The following UBE2E2 variants were observed in gnomAD, a reference collection of about 807,000 sequenced individuals.
UBE2E2 encodes the protein ubiquitin-conjugating enzyme E2 E2.
A neutral mutation model predicts 24.7 loss-of-function variants in UBE2E2; 6 were observed. The observed-to-expected ratio is 0.24, with a 90% CI of 0.13 to 0.48. The LOEUF (loss-of-function observed/expected upper bound fraction) is 0.48, where lower values mean the gene tolerates loss of function less well. Ranked by LOEUF, UBE2E2 falls within the 20% of genes least tolerant of loss-of-function variation. UBE2E2 has a pLI of 0.99. For synonymous variants in UBE2E2, 104 were observed against 83.6 expected (o/e 1.24, Z -1.33); for missense variants, 169 against 245.0 (o/e 0.69, Z 2.07).
intron 3 of UBE2E2, among the ~76,000 whole-genome samples, chr3:23,477,592 A>G (rs960439170): frequency 6.6e-6 from 1 of 152,246 alleles, no homozygotes; most frequent in East Asian, 1.9e-4. Flanking sequence ...ATCTTAGGAT[A>G]TATTTGTTGA....
intron 3 of UBE2E2, among the ~76,000 whole-genome samples, chr3:23,267,303 G>A (rs1016977029): frequency 1.2e-3 from 180 of 151,850 alleles, no homozygotes; most frequent in African/African-American, 2.8e-3. Flanking sequence ...TTGATAGACC[G>A]CTAGCAAGAC....
chr3:23,232,133 C>A (rs1463346913), intron 3 of UBE2E2, among the ~76,000 whole-genome samples: 1 of 152,200 alleles, frequency 6.6e-6, no homozygotes, highest in Non-Finnish European at 1.5e-5. Flanking sequence ...TAAGGTTAAA[C>A]CCTCTAATCA....
At chr3:23,416,384 G>T (rs142349715) in intron 3 of UBE2E2, among the ~76,000 whole-genome samples, 1 of 152,136 alleles carries the variant, frequency 6.6e-6, no homozygotes, top group Non-Finnish European at 1.5e-5. Flanking sequence ...TGGCGCTCAC[G>T]CTCCTCTGGC....
chr3:23,255,610 A>T (rs1196816574), intron 3 of UBE2E2, among the ~76,000 whole-genome samples: 2 of 152,138 alleles, frequency 1.3e-5, no homozygotes, highest in Admixed American at 1.3e-4. Flanking sequence ...CAGATAATTG[A>T]CACTGATCTA....
rs947453129 is a variant in UBE2E2 at position 23,375,644 on chromosome 3, G to A, written c.228-123964G>A. ...ATACTTCAGTGGATATGTTTTAAGAGATATTTCTTTCAAGCCATTATTGGA... is the reference window on the plus strand; with the variant it reads ...ATACTTCAGTGGATATGTTTTAAGAAATATTTCTTTCAAGCCATTATTGGA... On this transcript the variant is annotated intron_variant, in intron 3 of 5. Transcript: ENST00000396703. Among the ~76,000 whole-genome samples, 7 of 152,260 alleles carry A rather than the reference G, an allele frequency of 4.6e-5. No homozygotes were observed. In the South Asian group the frequency reaches 1.5e-3, roughly 32 times the overall value.
At chr3:23,300,549 G>A (rs1699044813) in intron 3 of UBE2E2, among the ~76,000 whole-genome samples, 1 of 152,138 alleles carries the variant, frequency 6.6e-6, no homozygotes, top group Non-Finnish European at 1.5e-5. Context: ...ATGAAGCTTA[G>A]TTTGGCTGGA....
chr3:23,521,001 A>T (rs1262873824), intron 4 of UBE2E2, among the ~76,000 whole-genome samples: 5 of 152,154 alleles, frequency 3.3e-5, no homozygotes, highest in Admixed American at 3.3e-4. Flanking sequence ...TGTAGGCTGT[A>T]TGAAAAGCTA....
chr3:23,218,013 T>C (rs1206350618), intron 3 of UBE2E2, among the ~76,000 whole-genome samples: 1 of 152,126 alleles, frequency 6.6e-6, no homozygotes, highest in Non-Finnish European at 1.5e-5. Flanking sequence ...TTTAAGACAC[T>C]TATTTCTGTT....
intron 3 of UBE2E2, among the ~76,000 whole-genome samples, chr3:23,394,047 A>G (rs1434385624): frequency 6.6e-6 from 1 of 152,210 alleles, no homozygotes; most frequent in African/African-American, 2.4e-5. Context: ...AGAAAAAAGC[A>G]GCATGGGGAG....
chr3:23,345,987 C>G (rs1559355445), intron 3 of UBE2E2, among the ~76,000 whole-genome samples: 2 of 152,186 alleles, frequency 1.3e-5, no homozygotes, highest in Non-Finnish European at 2.9e-5. Flanking sequence ...TCAACTGTTG[C>G]TGATCTAATC....
intron 5 of UBE2E2, among the ~76,000 whole-genome samples, chr3:23,571,195 G>T (rs1331063620): frequency 6.7e-6 from 1 of 150,314 alleles, no homozygotes; most frequent in African/African-American, 2.4e-5. Flanking sequence ...TTTAATAATG[G>T]CTCCAGAGCA....
At chr3:23,293,352 G>T (rs557571295) in intron 3 of UBE2E2, among the ~76,000 whole-genome samples, 1 of 152,276 alleles carries the variant, frequency 6.6e-6, no homozygotes, top group Admixed American at 6.5e-5. Context: ...ACTTCATTTA[G>T]GACTTGCCAA....
intron 3 of UBE2E2, among the ~76,000 whole-genome samples, chr3:23,387,932 C>G (rs553753762): frequency 4.9e-4 from 75 of 152,170 alleles, no homozygotes; most frequent in Middle Eastern, 3.4e-3. Flanking sequence ...AAATAACATA[C>G]TGCAAAATTA....
intron 3 of UBE2E2, among the ~76,000 whole-genome samples, chr3:23,426,834 A>T (rs1697938284): frequency 6.6e-6 from 1 of 152,174 alleles, no homozygotes; most frequent in Non-Finnish European, 1.5e-5. Flanking sequence ...TACAGGTAAA[A>T]TTTTAAATTT....
At chr3:23,217,848 T>C (rs551606164) in intron 3 of UBE2E2, among the ~76,000 whole-genome samples, 2 of 152,258 alleles carry the variant, frequency 1.3e-5, no homozygotes, top group South Asian at 4.1e-4. Flanking sequence ...ACCTCGAATT[T>C]TCTGGTCAGT....
intron 4 of UBE2E2, among the ~76,000 whole-genome samples, chr3:23,521,784 T>C (rs1694873734): frequency 6.6e-6 from 1 of 152,142 alleles, no homozygotes; most frequent in East Asian, 1.9e-4. Context: ...CGATTCTTCT[T>C]CTTCCAATGT....
chr3:23,374,478 C>T (rs1464991729), intron 3 of UBE2E2, among the ~76,000 whole-genome samples: 3 of 152,202 alleles, frequency 2.0e-5, no homozygotes, highest in African/African-American at 7.2e-5. Context: ...TAAAATGCTA[C>T]TTAGGCAGGT....
At chr3:23,369,222 G>C (rs576177272) in intron 3 of UBE2E2, among the ~76,000 whole-genome samples, 6 of 152,124 alleles carry the variant, frequency 3.9e-5, no homozygotes, top group Non-Finnish European at 7.4e-5. Context: ...AAGGAATCCA[G>C]AATTAGCCTG....
At chr3:23,489,111 C>T (rs1288796763) in intron 3 of UBE2E2, among the ~76,000 whole-genome samples, 1 of 152,052 alleles carries the variant, frequency 6.6e-6, no homozygotes, top group Non-Finnish European at 1.5e-5. Flanking sequence ...AGCAGTGGTC[C>T]CCCACCTTTT....
Sources: gnomAD v4.1 joint callset for allele counts (sites outside exome capture counted in the v4.1 genomes callset) on GRCh38, gnomAD v4.1.1 for gene constraint, MANE v1.5 for transcripts, NCBI Gene and HGNC (gene_info 2026-07-23, HGNC 2026-07-21) for gene names.